The following QSER1 variants were observed in gnomAD, a reference collection of about 807,000 sequenced individuals.
The protein encoded by QSER1 is glutamine and serine rich 1, also known as glutamine and serine-rich protein 1.
A neutral mutation model predicts 158.5 loss-of-function variants in QSER1; 49 were observed. The observed-to-expected ratio is 0.31, with a 90% confidence interval of 0.25 to 0.39. QSER1 has a LOEUF of 0.39. Ranked by LOEUF, QSER1 falls within the 10% of genes least tolerant of loss-of-function variation. The pLI is 1.00. For synonymous variants in QSER1, 650 were observed against 715.5 expected (o/e 0.91, Z 1.46); for missense variants, 1,754 against 2,010.3 (o/e 0.87, Z 2.44).
chr11:32,976,280 A>C, intron 12 of QSER1, 54 bp from the exon 13 acceptor site: 5 of 1,423,032 alleles, frequency 3.5e-6, no homozygotes, highest in Non-Finnish European at 4.7e-6. Flanking sequence ...CTTGTAGTTG[A>C]ACTTAAATAT....
chr11:32,952,724 C>G (rs1341128729), intron 4 of QSER1, among the ~76,000 whole-genome samples: 1 of 135,276 alleles, frequency 7.4e-6, no homozygotes. Context: ...CTGTGCTTTT[C>G]TTTGTGGGAT....
chr11:32,919,838 C>T (rs1049979982), intron 1 of QSER1, among the ~76,000 whole-genome samples: 11 of 152,150 alleles, frequency 7.2e-5, no homozygotes, highest in Non-Finnish European at 5.9e-5. Context: ...TTTTATACTT[C>T]GGGTTACAAG....
In QSER1 at chr11:32,966,398, T is replaced by G. The variant is rs762975087; in HGVS notation, c.5068T>G (p.Leu1690Val). 1 of 1,614,038 alleles carries G rather than the reference T, an allele frequency of 6.2e-7. No homozygotes were observed. Among genetic ancestry groups the G allele is most frequent in the Non-Finnish European group, 8.5e-7 (1 of 1,179,962 alleles). The change falls in exon 9 of 13, where the codon TTG becomes GTG. Residue 1690 changes from leucine to valine, a missense_variant. Leu to Val is a conservative substitution (Grantham distance 32, BLOSUM62 1). This residue lies in a region of QSER1 where 1,707 missense variants were observed against 1,919.6 expected (regional missense o/e 0.89). Transcript: ENST00000650167. ...CATGGAATTGCTTGTTAGCATTGCCTTGGACCCTGACACAATGCAAGCCTT... is the reference window on the plus strand; with the variant it reads ...CATGGAATTGCTTGTTAGCATTGCCGTGGACCCTGACACAATGCAAGCCTT... ...SYMELLVSIA[L>V]DPDTMQALEK...
intron 1 of QSER1, among the ~76,000 whole-genome samples, chr11:32,922,933 A>G (rs1261226175): frequency 6.6e-6 from 1 of 152,224 alleles, no homozygotes; most frequent in Non-Finnish European, 1.5e-5. Context: ...AAGATACATT[A>G]CTGTATAACT....
intron 1 of QSER1, among the ~76,000 whole-genome samples, chr11:32,907,653 ATTCATTCC>A (rs1428047520): frequency 2.6e-5 from 4 of 152,242 alleles, no homozygotes; most frequent in Non-Finnish European, 5.9e-5. Flanking sequence ...GTTCATTTTT[ATTCATTCC>A]TTTGTAGCCA....
chr11:32,896,542 G>C (rs1851557769), intron 1 of QSER1, among the ~76,000 whole-genome samples: 1 of 151,830 alleles, frequency 6.6e-6, no homozygotes, highest in Non-Finnish European at 1.5e-5. Context: ...TCACCGCATT[G>C]GCCAGGCTGG....
chr11:32,894,957 A>G (rs1238931252), intron 1 of QSER1, among the ~76,000 whole-genome samples: 2 of 152,338 alleles, frequency 1.3e-5, no homozygotes, highest in African/African-American at 2.4e-5. Flanking sequence ...TTACTTTCTC[A>G]TCATTGAACA....
chr11:32,937,124 T>G (rs958087226), intron 4 of QSER1, among the ~76,000 whole-genome samples: 1 of 152,188 alleles, frequency 6.6e-6, no homozygotes, highest in African/African-American at 2.4e-5. Flanking sequence ...CAGAGATATG[T>G]TATCTCATTT....
Position 32,951,585 on chromosome 11 carries a change from A to G in QSER1, c.4178-2272A>G, listed in dbSNP as rs866749032. Among the ~76,000 whole-genome samples the G allele has an allele frequency of 2.2e-4, 34 of 152,306 alleles. 1 individual carries two copies. The highest frequency in any genetic ancestry group is 3.4e-3 in the Middle Eastern group (1 of 294). On this transcript the variant is annotated intron_variant, in intron 4 of 12. Transcript: ENST00000650167. ...ACATGGGATGTTTTTCCAGTTATACAGATCTTCTATGATTTCTTTGAACAG... is the reference window on the plus strand; with the variant it reads ...ACATGGGATGTTTTTCCAGTTATACGGATCTTCTATGATTTCTTTGAACAG...
chr11:32,900,699 A>G (rs1851613952), intron 1 of QSER1, among the ~76,000 whole-genome samples: 1 of 152,348 alleles, frequency 6.6e-6, no homozygotes, highest in South Asian at 2.1e-4. Context: ...TTCCTGAAAC[A>G]TGCTAAGATT....
chr11:32,940,701 G>A (rs1852217203), intron 4 of QSER1, among the ~76,000 whole-genome samples: 1 of 152,094 alleles, frequency 6.6e-6, no homozygotes, highest in South Asian at 2.1e-4. Flanking sequence ...CATTCATTTA[G>A]ATTGTAAACT....
chr11:32,932,059 A>G lies in QSER1; in HGVS notation c.801A>G (p.Gln267=). 1 of 1,614,220 alleles carries G rather than the reference A, an allele frequency of 6.2e-7. No homozygotes were observed. Among genetic ancestry groups the G allele is most frequent in the Non-Finnish European group, 8.5e-7 (1 of 1,180,040 alleles). Residue 267 remains glutamine, a synonymous_variant, in exon 4 of 13, where the codon CAA becomes CAG. Transcript: ENST00000650167. ...PPQSSTYRSA[Q]ESAPHLLQPQ... ...AGTCTTCAACATACCGCTCAGCTCA[A>G]GAGTCTGCACCCCATCTTTTACAAC...
rs1176976114 is a variant in QSER1, at chr11:32,892,925, C to A, written c.-201C>A. Reference sequence around the variant, plus strand: ...TGACGCCCAGCTGGGGCCTCGCCGCCCGCCGCGGCCCGGGTCTTTGCGGCC... The same window carrying A: ...TGACGCCCAGCTGGGGCCTCGCCGCACGCCGCGGCCCGGGTCTTTGCGGCC... On this transcript the variant is annotated 5_prime_UTR_variant, in exon 1 of 13. Coordinates refer to ENST00000650167, the MANE Select transcript of QSER1 (RefSeq NM_001076786.3). 6.8e-6 allele frequency among the ~76,000 whole-genome samples: 1 copy of A among 147,662 alleles called. No individual in the cohort carries two copies. The highest frequency in any genetic ancestry group is 2.1e-4 in the South Asian group (1 of 4,754).
At chr11:32,969,245 C>T (rs1184384582) in intron 10 of QSER1, 102 bp downstream of exon 10, 1 of 749,714 alleles carries the variant, frequency 1.3e-6, no homozygotes, top group African/African-American at 1.8e-5. Flanking sequence ...CAACATTTTT[C>T]ACCTAATGAA....
chr11:32,909,826 G>C (rs1851743785), intron 1 of QSER1, among the ~76,000 whole-genome samples: 1 of 152,206 alleles, frequency 6.6e-6, no homozygotes, highest in Non-Finnish European at 1.5e-5. Flanking sequence ...TATGGGGGGG[G>C]TGTGGTCATG....
At chr11:32,949,645 A>G (rs912220763) in intron 4 of QSER1, among the ~76,000 whole-genome samples, 2 of 152,168 alleles carry the variant, frequency 1.3e-5, no homozygotes, top group African/African-American at 2.4e-5. Context: ...ATTTACATAC[A>G]TATTTTTGTG....
intron 4 of QSER1, among the ~76,000 whole-genome samples, chr11:32,951,705 C>T (rs1852425008): frequency 6.6e-6 from 1 of 151,902 alleles, no homozygotes; most frequent in South Asian, 2.1e-4. Flanking sequence ...GAATTGTGTT[C>T]TTAATTTTAT....
intron 8 of QSER1, among the ~76,000 whole-genome samples, chr11:32,964,895 C>T (rs1229276650): frequency 1.3e-5 from 2 of 150,718 alleles, no homozygotes; most frequent in African/African-American, 4.9e-5. Context: ...AAAATTGAAA[C>T]AAACTTTTTT....
At chr11:32,911,246 G>A (rs1295937162) in intron 1 of QSER1, among the ~76,000 whole-genome samples, 1 of 152,144 alleles carries the variant, frequency 6.6e-6, no homozygotes, top group Admixed American at 6.5e-5. Flanking sequence ...GTTATGACAT[G>A]GACACAGAGA....
Sources: gnomAD v4.1 joint callset for allele counts (sites outside exome capture counted in the v4.1 genomes callset) on GRCh38, gnomAD v4.1.1 for gene constraint, gnomAD v4.1.1 regional missense constraint, MANE v1.5 for transcripts, NCBI Gene and HGNC (gene_info 2026-07-23, HGNC 2026-07-21) for gene names.